The following BMP5 variants were observed in gnomAD, a reference collection of about 807,000 sequenced individuals.
BMP5 encodes the protein bone morphogenetic protein 5.
Under a neutral mutation model 46.6 loss-of-function variants are expected in BMP5, and 23 were observed. The ratio of observed to expected loss-of-function variants is 0.49; its 90% CI spans 0.35 to 0.70. BMP5 has a LOEUF of 0.70. BMP5 is among the 30% of genes least tolerant of loss of function. The probability of loss-of-function intolerance (pLI) is 0.00; values close to 1 mark genes in which losing one functional copy is unlikely to be tolerated. For missense variants in BMP5, 545 were observed against 565.6 expected (o/e 0.96, Z 0.37); for synonymous variants, 204 against 191.9 (o/e 1.06, Z -0.52).
intron 2 of BMP5, among the ~76,000 whole-genome samples, chr6:55,806,628 G>A (rs574935475): frequency 6.6e-6 from 1 of 152,244 alleles, no homozygotes; most frequent in South Asian, 2.1e-4. Context: ...AGTTTGATGG[G>A]AATAGCACTG....
intron 1 of BMP5, among the ~76,000 whole-genome samples, chr6:55,856,385 A>G (rs886170704): frequency 6.6e-6 from 1 of 152,172 alleles, no homozygotes; most frequent in Non-Finnish European, 1.5e-5. Context: ...TTCTCTAGGT[A>G]AATACCTGGA....
At chr6:55,794,107 A>G (rs1282743388) in intron 3 of BMP5, among the ~76,000 whole-genome samples, 172 bp downstream of exon 3, 1 of 152,208 alleles carries the variant, frequency 6.6e-6, no homozygotes, top group Non-Finnish European at 1.5e-5. Context: ...TGTATTGGAT[A>G]AATGTGTTCT....
At chr6:55,760,303 G>A (rs1328555016) in intron 5 of BMP5, among the ~76,000 whole-genome samples, 154 bp downstream of exon 5, 1 of 151,836 alleles carries the variant, frequency 6.6e-6, no homozygotes, top group Non-Finnish European at 1.5e-5. Context: ...AAGGTTAATT[G>A]AGAAATGAAA....
At chr6:55,847,647 T>A (rs1777131431) in intron 1 of BMP5, among the ~76,000 whole-genome samples, 1 of 151,944 alleles carries the variant, frequency 6.6e-6, no homozygotes, top group African/African-American at 2.4e-5. Context: ...GCAATAATTT[T>A]TTTTACTTTT....
At chr6:55,814,462 C>T (rs116215684) in intron 2 of BMP5, among the ~76,000 whole-genome samples, 2,001 of 152,122 alleles carry the variant, frequency 0.013, 39 homozygotes, top group African/African-American at 0.043. Context: ...ACTTTTTCAT[C>T]TGTTTTTTAT....
intron 1 of BMP5, among the ~76,000 whole-genome samples, chr6:55,846,237 G>A (rs1253800919): frequency 6.6e-6 from 1 of 152,016 alleles, no homozygotes; most frequent in Non-Finnish European, 1.5e-5. Flanking sequence ...CATAAGTGGA[G>A]CCAAGACATT....
In BMP5 at chr6:55,818,971, C is replaced by CAGAT. The variant is rs1554183657; in HGVS notation, c.683+680_683+683dup. 9.5e-3 allele frequency among the ~76,000 whole-genome samples: 1,430 copies of CAGAT among 150,638 alleles called. 16 individuals are homozygous for CAGAT. The highest frequency in any genetic ancestry group is 0.03 in the African/African-American group (1,220 of 40,830). On this transcript the variant is annotated intron_variant, in intron 2 of 6. Transcript: ENST00000370830. ...ACAGACAGACAGACAGACAGACAGA[C>CAGAT]AGATAGATAGATAGATGGTAGATCT...
chr6:55,781,947 A>G (rs1429100650), intron 3 of BMP5, among the ~76,000 whole-genome samples: 1 of 152,054 alleles, frequency 6.6e-6, no homozygotes, highest in East Asian at 1.9e-4. Context: ...ATCATAGGCT[A>G]CTTCCAGGAT....
chr6:55,759,994 C>T (rs868621211), intron 5 of BMP5, among the ~76,000 whole-genome samples: 2 of 151,896 alleles, frequency 1.3e-5, no homozygotes, highest in South Asian at 2.1e-4. Context: ...AATTTTCCTC[C>T]TCATCCTGTT....
At chr6:55,759,258 T>G in intron 5 of BMP5, 143 bp from the exon 6 acceptor site, 1 of 593,050 alleles carries the variant, frequency 1.7e-6, no homozygotes. Context: ...TGTATCTGAA[T>G]AGGTTTCTAT....
chr6:55,763,300 A>T (rs1472678880), intron 4 of BMP5, among the ~76,000 whole-genome samples: 1 of 152,120 alleles, frequency 6.6e-6, no homozygotes, highest in African/African-American at 2.4e-5. Flanking sequence ...GTCAAAATAT[A>T]TCTGTTCCAT....
In BMP5 at chr6:55,861,285, G is replaced by A. The variant is rs552466720; in HGVS notation, c.490+13091C>T. On this transcript the variant is annotated intron_variant, in intron 1 of 6. Transcript: ENST00000370830. ...AGCTGAGGCAAGGCACTCATACTTA[G>A]CAGCATGGCAGCCCTGCTTATATGG... 1.6e-4 allele frequency among the ~76,000 whole-genome samples: 25 copies of A among 152,330 alleles called. No individual in the cohort carries two copies. In the Middle Eastern group the frequency reaches 0.014, roughly 83 times the overall value.
At chr6:55,845,690 T>C (rs996998457) in intron 1 of BMP5, among the ~76,000 whole-genome samples, 12 of 152,138 alleles carry the variant, frequency 7.9e-5, no homozygotes, top group Non-Finnish European at 1.8e-4. Flanking sequence ...TTGGTTCCTC[T>C]TATACAGGGA....
rs1423140475 is a variant in BMP5, at chr6:55,759,124, T to C, written c.1105-9A>G. The C allele has an allele frequency of 2.5e-4, 111 of 437,034 alleles. No homozygotes were observed. The highest frequency in any genetic ancestry group is 3.2e-4 in the Non-Finnish European group (75 of 232,338). The allele number at this position is 437,034 out of a possible 1,614,324, so 27.1% of individuals were successfully genotyped here. On this transcript the variant is annotated splice_polypyrimidine_tract_variant and intron_variant, in intron 5 of 6. Coordinates refer to ENST00000370830, the MANE Select transcript of BMP5 (RefSeq NM_021073.4). ...GGTGCTATAATCCAGTCCTGACACA[T>C]ACACACACACACACACACACAAAAA...
At chr6:55,823,320 A>G (rs576302296) in intron 1 of BMP5, among the ~76,000 whole-genome samples, 90 of 152,106 alleles carry the variant, frequency 5.9e-4, no homozygotes, top group Admixed American at 1.2e-3. Context: ...AGCATCTAAC[A>G]CATCACAATA....
intron 2 of BMP5, among the ~76,000 whole-genome samples, chr6:55,796,469 A>ATT (rs977421474): frequency 1.3e-5 from 2 of 150,910 alleles, no homozygotes; most frequent in South Asian, 2.1e-4. Flanking sequence ...ATATATATAT[A>ATT]TTTTTTTCTT....
At chr6:55,765,968 T>C (rs763665373) in intron 4 of BMP5, among the ~76,000 whole-genome samples, 2 of 152,178 alleles carry the variant, frequency 1.3e-5, no homozygotes, top group Non-Finnish European at 2.9e-5. Context: ...CTGCTCACTA[T>C]TTCTACTTCT....
At position 55,816,818 on chromosome 6, in the gene BMP5, T is replaced by G. The variant is rs1292265427; in HGVS notation, c.683+2837A>C. ...GAGAGGGCATGTGCACGTACGTGTGTGTGTGTGTGTGTGTGTTGTCACTGT... is the reference window on the plus strand; with the variant it reads ...GAGAGGGCATGTGCACGTACGTGTGGGTGTGTGTGTGTGTGTTGTCACTGT... On this transcript the variant is annotated intron_variant, in intron 2 of 6. Transcript: ENST00000370830. Among the ~76,000 whole-genome samples, 5 of 152,086 alleles carry G rather than the reference T, an allele frequency of 3.3e-5. No homozygotes were observed. The South Asian group carries it at 1.0e-3, about 32-fold the overall frequency.
intron 2 of BMP5, among the ~76,000 whole-genome samples, chr6:55,801,284 G>A (rs1439094384): frequency 6.6e-6 from 1 of 152,178 alleles, no homozygotes; most frequent in Non-Finnish European, 1.5e-5. Context: ...ATATTGTGGA[G>A]ATCTGCTGGT....
Sources: gnomAD v4.1 joint callset for allele counts (sites outside exome capture counted in the v4.1 genomes callset) on GRCh38, gnomAD v4.1.1 for gene constraint, MANE v1.5 for transcripts, NCBI Gene and HGNC (gene_info 2026-07-23, HGNC 2026-07-21) for gene names.